FGF14: variants seen among roughly 807,000 people sequenced by gnomAD.
FGF14 encodes fibroblast growth factor homologous factor 4.
FGF14 carries 5 observed loss-of-function variants against 25.5 expected under a neutral mutation model. The ratio of observed to expected loss-of-function variants is 0.20; its 90% CI spans 0.10 to 0.41. The LOEUF is 0.41. FGF14 is among the 10% of genes least tolerant of loss of function. The pLI, the probability that FGF14 is intolerant of heterozygous loss-of-function variation, is 1.00. For synonymous variants in FGF14, 138 were observed against 118.3 expected (o/e 1.17, Z -1.08); for missense variants, 222 against 320.1 (o/e 0.69, Z 2.34).
chr13:101,989,245 T>A (rs907327803), intron 1 of FGF14, among the ~76,000 whole-genome samples: 4 of 152,086 alleles, frequency 2.6e-5, no homozygotes, highest in African/African-American at 9.7e-5. Context: ...AATTTTACTT[T>A]TTAAATTATA....
intron 1 of FGF14, among the ~76,000 whole-genome samples, chr13:102,137,148 T>C (rs932969633): frequency 5.3e-5 from 8 of 152,210 alleles, no homozygotes; most frequent in African/African-American, 1.9e-4. Flanking sequence ...CACTGTCTAT[T>C]GGGCACTCTA....
intron 3 of FGF14, among the ~76,000 whole-genome samples, chr13:101,777,219 C>T (rs1044859288): frequency 1.3e-5 from 2 of 152,162 alleles, no homozygotes. Flanking sequence ...TTTCATCTAA[C>T]TTCTAAATTC....
At chr13:102,023,843 G>A (rs537289334) in intron 1 of FGF14, among the ~76,000 whole-genome samples, 25 of 152,054 alleles carry the variant, frequency 1.6e-4, no homozygotes, top group African/African-American at 6.0e-4. Flanking sequence ...TGCACAAGAG[G>A]AGAATAAAAT....
At chr13:102,197,077 G>A (rs2049392944) in intron 1 of FGF14, among the ~76,000 whole-genome samples, 1 of 151,970 alleles carries the variant, frequency 6.6e-6, no homozygotes, top group Admixed American at 6.6e-5. Flanking sequence ...CTGCTAGGAT[G>A]GGTTCTCAGG....
intron 1 of FGF14, among the ~76,000 whole-genome samples, chr13:101,877,824 C>T (rs1031368802): frequency 4.6e-5 from 7 of 152,152 alleles, no homozygotes; most frequent in African/African-American, 1.7e-4. Flanking sequence ...ATTTCCAATA[C>T]ATCTCTGCCC....
At chr13:102,087,148 G>A (rs1416823980) in intron 1 of FGF14, among the ~76,000 whole-genome samples, 2 of 152,166 alleles carry the variant, frequency 1.3e-5, no homozygotes, top group Admixed American at 6.5e-5. Flanking sequence ...ATAGGTCACA[G>A]GACTGATATA....
intron 3 of FGF14, among the ~76,000 whole-genome samples, chr13:101,838,928 T>C (rs1255019555): frequency 2.6e-5 from 4 of 152,076 alleles, no homozygotes; most frequent in Non-Finnish European, 4.4e-5. Context: ...GAGCTATAAG[T>C]AGAGGAAGCC....
intron 3 of FGF14, among the ~76,000 whole-genome samples, chr13:101,741,946 T>C (rs2036585831): frequency 6.6e-6 from 1 of 152,110 alleles, no homozygotes; most frequent in Admixed American, 6.5e-5. Flanking sequence ...ACTACACTTT[T>C]AAGGATAATA....
intron 1 of FGF14, among the ~76,000 whole-genome samples, chr13:101,915,337 G>A (rs1015930673): frequency 6.6e-6 from 1 of 152,120 alleles, no homozygotes; most frequent in African/African-American, 2.4e-5. Context: ...TCTATCCCCC[G>A]TCTTTGGAAC....
intron 1 of FGF14, among the ~76,000 whole-genome samples, chr13:101,902,057 T>G (rs181084502): frequency 3.4e-4 from 52 of 152,270 alleles, no homozygotes; most frequent in African/African-American, 1.2e-3. Context: ...ATTGGTTGCT[T>G]TATTTTTACT....
chr13:101,726,180 G>A (rs1172720139), intron 4 of FGF14, among the ~76,000 whole-genome samples: 2 of 151,956 alleles, frequency 1.3e-5, no homozygotes, highest in African/African-American at 4.8e-5. Context: ...CTTTCACCTA[G>A]ATAATATCAA....
At chr13:101,964,930 T>C (rs2037090909) in intron 1 of FGF14, among the ~76,000 whole-genome samples, 1 of 152,108 alleles carries the variant, frequency 6.6e-6, no homozygotes, top group African/African-American at 2.4e-5. Flanking sequence ...CTTTTGTGCA[T>C]ATTATCTCCT....
intron 1 of FGF14, among the ~76,000 whole-genome samples, chr13:101,926,160 A>C (rs2034348138): frequency 6.6e-6 from 1 of 152,184 alleles, no homozygotes; most frequent in East Asian, 1.9e-4. Context: ...GGATATGGGC[A>C]CCTTGGGGGA....
At chr13:102,321,100 C>T (rs1419639446) in intron 1 of FGF14, among the ~76,000 whole-genome samples, 1 of 152,162 alleles carries the variant, frequency 6.6e-6, no homozygotes, top group Non-Finnish European at 1.5e-5. Flanking sequence ...CACCAATTTG[C>T]AAGTCAGGAG....
At chr13:102,380,065 T>C (rs530548540) in intron 1 of FGF14, among the ~76,000 whole-genome samples, 1 of 152,012 alleles carries the variant, frequency 6.6e-6, no homozygotes, top group African/African-American at 2.4e-5. Flanking sequence ...AATGTCCCTT[T>C]TCTTAATTTC....
intron 1 of FGF14, among the ~76,000 whole-genome samples, chr13:102,375,390 A>G (rs987577235): frequency 5.3e-5 from 8 of 152,340 alleles, no homozygotes; most frequent in African/African-American, 1.9e-4. Flanking sequence ...ATAGTGTAAT[A>G]CAAATAATAA....
Position 102,041,879 on chromosome 13 carries a change from C to G in FGF14, c.209-166583G>C, listed in dbSNP as rs116109863. ...TTTCCTCACATTCCAACAGCATCCA[C>G]AGTGAAGTCTCTAATTTCCTTCACA... On this transcript the variant is annotated intron_variant, in intron 1 of 4. Coordinates refer to the FGF14 transcript ENST00000376131. Among the ~76,000 whole-genome samples the G allele has an allele frequency of 7.5e-3, 1,148 of 152,276 alleles. 19 individuals carry two copies. Among genetic ancestry groups the G allele is most frequent in the African/African-American group, 0.026 (1,077 of 41,566 alleles).
chr13:102,271,611 C>T (rs191255245), intron 1 of FGF14, among the ~76,000 whole-genome samples: 1 of 152,232 alleles, frequency 6.6e-6, no homozygotes, highest in South Asian at 2.1e-4. Context: ...GTTAATATCA[C>T]GTTGTGTTTC....
chr13:102,356,537 C>T (rs187366646), intron 1 of FGF14, among the ~76,000 whole-genome samples: 35 of 152,262 alleles, frequency 2.3e-4, no homozygotes, highest in African/African-American at 7.9e-4. Flanking sequence ...TACCTAAAAC[C>T]TGTCATTATT....
Sources: gnomAD v4.1 joint callset for allele counts (sites outside exome capture counted in the v4.1 genomes callset) on GRCh38, gnomAD v4.1.1 for gene constraint, MANE v1.5 for transcripts, NCBI Gene and HGNC (gene_info 2026-07-23, HGNC 2026-07-21) for gene names.